BCL2: variants seen among roughly 807,000 people sequenced by gnomAD.
BCL2 encodes the protein BCL2 apoptosis regulator, also known as apoptosis regulator Bcl-2.
BCL2 carries 1 observed loss-of-function variant against 14.2 expected under a neutral mutation model. The observed-to-expected ratio is 0.07, with a 90% CI of 0.02 to 0.33. The LOEUF (loss-of-function observed/expected upper bound fraction) is 0.33, where lower values mean the gene tolerates loss of function less well. Ranked by LOEUF, BCL2 falls within the 10% of genes least tolerant of loss-of-function variation. The pLI, the probability that BCL2 is intolerant of heterozygous loss-of-function variation, is 0.99. For synonymous variants in BCL2, 151 were observed against 137.2 expected (o/e 1.10, Z -0.70); for missense variants, 247 against 305.9 (o/e 0.81, Z 1.44).
Position 63,318,338 on chromosome 18 carries a change from C to T in BCL2, c.329G>A (p.Arg110His). The T allele has an allele frequency of 6.2e-7, 1 of 1,611,770 alleles. No homozygotes were observed. Among genetic ancestry groups the T allele is most frequent in the Non-Finnish European group, 8.5e-7 (1 of 1,178,508 alleles). The change falls in exon 2 of 3, where the codon CGC becomes CAC. Residue 110 changes from arginine (R) to histidine (H), a missense_variant. Coordinates refer to ENST00000333681, the MANE Select transcript of BCL2 (RefSeq NM_000633.3). The surrounding 1 kb of genome is among the most constrained non-coding windows in gnomAD (Gnocchi z 7.4). ...AGDDFSRRYR[R>H]DFAEMSSQLH... ...CTGGCTGGACATCTCGGCGAAGTCG[C>T]GGCGGTAGCGGCGGGAGAAGTCGTC... is the stretch of plus-strand genomic sequence containing the variant.
At position 63,128,732 on chromosome 18, in the gene BCL2, T is replaced by C. The variant is rs1335816980; in HGVS notation, c.613A>G (p.Ser205Gly). Residue 205 changes from serine to glycine, a missense_variant, in exon 3 of 3, where the codon AGC (serine) becomes GGC (glycine). Around this residue, in one of 3 missense-constraint regions of BCL2, gnomAD observed 36 missense variants for 24.9 expected, o/e 1.45. Coordinates refer to ENST00000333681, the MANE Select transcript of BCL2 (RefSeq NM_000633.3). ...WDAFVELYGP[S>G]MRPLFDFSWL... ...GAGAAATCAAACAGAGGCCGCATGC[T>C]GGGGCCGTACAGTTCCACAAAGGCA... is the stretch of plus-strand genomic sequence containing the variant. The C allele has an allele frequency of 1.3e-6, 1 of 780,732 alleles. No individual in the cohort carries two copies. Among genetic ancestry groups the C allele is most frequent in the Non-Finnish European group, 2.4e-6 (1 of 418,014 alleles). 48.4% of individuals were successfully genotyped at this position (780,732 alleles called of 1,614,324 possible).
intron 2 of BCL2, among the ~76,000 whole-genome samples, chr18:63,181,280 G>A (rs1038544667): frequency 2.0e-5 from 3 of 152,140 alleles, no homozygotes; most frequent in Non-Finnish European, 2.9e-5. Flanking sequence ...GGCACGCCTC[G>A]CATACCCCTC....
chr18:63,194,007 T>C (rs1241806062), intron 2 of BCL2, among the ~76,000 whole-genome samples: 1 of 152,210 alleles, frequency 6.6e-6, no homozygotes, highest in Non-Finnish European at 1.5e-5. Flanking sequence ...GTCACTGATA[T>C]TCAATACATA....
At chr18:63,278,860 T>C (rs1041155218) in intron 2 of BCL2, among the ~76,000 whole-genome samples, 7 of 152,260 alleles carry the variant, frequency 4.6e-5, no homozygotes, top group Admixed American at 2.0e-4. Flanking sequence ...TGGAAAAGAA[T>C]AGACAGACTC....
At chr18:63,317,814 C>A (rs1226512959) in intron 2 of BCL2, 4 of 1,353,096 alleles carry the variant, frequency 3.0e-6, no homozygotes, top group African/African-American at 3.0e-5. Context: ...CCATTTACCA[C>A]CACATCCTAC....
Position 63,145,400 on chromosome 18 carries a change from G to T in BCL2, c.586-16641C>A, listed in dbSNP as rs60264436. 4.9e-4 allele frequency among the ~76,000 whole-genome samples: 60 copies of T among 121,890 alleles called. 1 individual carries two copies. The East Asian group carries it at 7.9e-3, about 16-fold the overall frequency. The allele number at this position is 121,890 out of a possible 152,430, so 80.0% of individuals were successfully genotyped here. A position where few individuals can be genotyped will look rare whatever the true frequency, so the allele number is the denominator to read the frequency against. On this transcript the variant is annotated intron_variant, in intron 2 of 2. Transcript: ENST00000333681. The stretch of plus-strand genomic sequence containing the variant: ...CCACTGCCCAAGAGATCCAGGGGGT[G>T]GGGGGGCTTCTCTGGGCCGCTCGCC...
At chr18:63,256,733 G>A (rs977888276) in intron 2 of BCL2, among the ~76,000 whole-genome samples, 2 of 152,064 alleles carry the variant, frequency 1.3e-5, no homozygotes, top group Admixed American at 1.3e-4. Flanking sequence ...CACAAAATAG[G>A]GCGATCCAAC....
At chr18:63,243,261 A>G (rs1911061288) in intron 2 of BCL2, among the ~76,000 whole-genome samples, 1 of 152,210 alleles carries the variant, frequency 6.6e-6, no homozygotes, top group Non-Finnish European at 1.5e-5. Flanking sequence ...TAACATCAGG[A>G]ACAGAAAACC....
intron 2 of BCL2, among the ~76,000 whole-genome samples, chr18:63,148,030 A>G (rs73469305): frequency 0.092 from 14,050 of 152,100 alleles, 1,334 homozygotes; most frequent in African/African-American, 0.25. Context: ...GAGAAAATCC[A>G]TCAGTCATTT....
At chr18:63,155,840 G>A (rs764341020) in intron 2 of BCL2, among the ~76,000 whole-genome samples, 1 of 152,056 alleles carries the variant, frequency 6.6e-6, no homozygotes. Context: ...AGTGCTTGTC[G>A]CACCCTCTCC....
intron 2 of BCL2, among the ~76,000 whole-genome samples, chr18:63,278,490 C>T (rs1406083329): frequency 6.6e-6 from 1 of 152,184 alleles, no homozygotes; most frequent in Non-Finnish European, 1.5e-5. Context: ...TGTCCTCACC[C>T]CTAACTCTTG....
intron 2 of BCL2, among the ~76,000 whole-genome samples, chr18:63,140,763 C>T (rs1465205184): frequency 3.3e-5 from 5 of 152,172 alleles, no homozygotes; most frequent in Non-Finnish European, 1.5e-5. Flanking sequence ...TGCTAAAAAC[C>T]AATGCGCTGA....
intron 2 of BCL2, among the ~76,000 whole-genome samples, chr18:63,289,765 A>G (rs913874308): frequency 3.3e-5 from 5 of 152,118 alleles, no homozygotes; most frequent in Non-Finnish European, 7.4e-5. Context: ...ATGGTGGTGC[A>G]TGCCTGTAAT....
intron 2 of BCL2, among the ~76,000 whole-genome samples, chr18:63,237,724 A>T (rs1010508561): frequency 3.9e-5 from 6 of 152,220 alleles, no homozygotes; most frequent in Non-Finnish European, 7.3e-5. Context: ...TGGTGGTAGC[A>T]TCTGATACCC....
chr18:63,271,474 A>C (rs1912001080), intron 2 of BCL2, among the ~76,000 whole-genome samples: 3 of 152,202 alleles, frequency 2.0e-5, no homozygotes, highest in Admixed American at 2.0e-4. Flanking sequence ...CTGATGCTGA[A>C]AACTTCAAGC....
chr18:63,310,006 G>A (rs1913259239), intron 2 of BCL2, among the ~76,000 whole-genome samples: 1 of 152,044 alleles, frequency 6.6e-6, no homozygotes, highest in Non-Finnish European at 1.5e-5. Context: ...GGGATTACAG[G>A]CGCCCACCAC....
intron 2 of BCL2, among the ~76,000 whole-genome samples, chr18:63,147,497 G>A (rs550645383): frequency 7.9e-5 from 12 of 152,250 alleles, no homozygotes; most frequent in East Asian, 5.8e-4. Context: ...AGAAGAAGCC[G>A]GGACGTGACC....
chr18:63,235,965 T>C (rs1910818828), intron 2 of BCL2, among the ~76,000 whole-genome samples: 1 of 152,176 alleles, frequency 6.6e-6, no homozygotes, highest in African/African-American at 2.4e-5. Flanking sequence ...TTTGGCTGTG[T>C]CTCCACCCAA....
At chr18:63,161,526 C>T (rs1214904523) in intron 2 of BCL2, among the ~76,000 whole-genome samples, 2 of 152,198 alleles carry the variant, frequency 1.3e-5, no homozygotes, top group African/African-American at 2.4e-5. Context: ...CCCCATCTGA[C>T]CTTCTGTTGG....
Sources: allele counts gnomAD v4.1 joint callset (sites outside exome capture counted in the v4.1 genomes callset), GRCh38; gene constraint gnomAD v4.1.1; regional missense constraint gnomAD v4.1.1; non-coding constraint Gnocchi (gnomAD v3.1); transcripts MANE v1.5; gene names NCBI Gene and HGNC (gene_info 2026-07-23, HGNC 2026-07-21).